Variants in AFF3 observed in about 807,000 individuals in gnomAD.
The protein encoded by AFF3 is ALF transcription elongation factor 3, also known as AF4/FMR2 family member 3.
AFF3 carries 32 observed loss-of-function variants against 129.7 expected under a neutral mutation model. The observed-to-expected ratio is 0.25, with a 90% CI of 0.19 to 0.33. The LOEUF (loss-of-function observed/expected upper bound fraction) is 0.33, where lower values mean the gene tolerates loss of function less well. Ranked by LOEUF, AFF3 falls within the 10% of genes least tolerant of loss-of-function variation. The pLI, the probability that AFF3 is intolerant of heterozygous loss-of-function variation, is 1.00. For missense variants in AFF3, 1,373 were observed against 1,592.0 expected (o/e 0.86, Z 2.34); for synonymous variants, 644 against 635.4 (o/e 1.01, Z -0.20).
At chr2:100,001,906 C>A (rs185813362) in intron 7 of AFF3, among the ~76,000 whole-genome samples, 1 of 152,370 alleles carries the variant, frequency 6.6e-6, no homozygotes, top group Admixed American at 6.5e-5. Context: ...TTCGGGTATA[C>A]GCAGTACAGG....
At chr2:99,996,829 C>T (rs949713235) in intron 7 of AFF3, among the ~76,000 whole-genome samples, 2 of 152,126 alleles carry the variant, frequency 1.3e-5, no homozygotes, top group Admixed American at 1.3e-4. Context: ...CCCAAGTAGA[C>T]GTTGGCCCCA....
intron 11 of AFF3, among the ~76,000 whole-genome samples, chr2:99,675,823 C>T (rs1021370670): frequency 2.6e-5 from 4 of 152,172 alleles, no homozygotes; most frequent in African/African-American, 9.7e-5. Context: ...CAACCCACTC[C>T]CAAACCCTGG....
intron 4 of AFF3, among the ~76,000 whole-genome samples, chr2:100,079,304 T>C (rs552044757): frequency 1.3e-5 from 2 of 152,304 alleles, no homozygotes; most frequent in African/African-American, 4.8e-5. Flanking sequence ...AAACCGCAGA[T>C]ATGGAGGGCC....
chr2:100,032,190 G>A (rs1214328647), intron 4 of AFF3, among the ~76,000 whole-genome samples: 3 of 152,106 alleles, frequency 2.0e-5, no homozygotes, highest in African/African-American at 7.2e-5. Context: ...ACTTTGGGTG[G>A]GACAAGGCAG....
At chr2:99,682,478 T>C (rs897043450) in intron 11 of AFF3, among the ~76,000 whole-genome samples, 49 of 152,186 alleles carry the variant, frequency 3.2e-4, no homozygotes, top group Non-Finnish European at 2.4e-4. Flanking sequence ...AATTCTTCAG[T>C]AGTTGTTTTG....
At chr2:99,742,541 G>A (rs1397479672) in intron 10 of AFF3, among the ~76,000 whole-genome samples, 2 of 152,062 alleles carry the variant, frequency 1.3e-5, no homozygotes, top group Non-Finnish European at 2.9e-5. Flanking sequence ...AAAATATGCC[G>A]GGTGCACACA....
intron 8 of AFF3, among the ~76,000 whole-genome samples, chr2:99,811,578 G>A (rs1203520565): frequency 1.3e-5 from 2 of 152,164 alleles, no homozygotes; most frequent in African/African-American, 4.8e-5. Context: ...CCTATTTCAT[G>A]AAAGGAAAAC....
chr2:100,102,456 T>A (rs1390321365), intron 4 of AFF3, among the ~76,000 whole-genome samples: 1 of 152,200 alleles, frequency 6.6e-6, no homozygotes, highest in Non-Finnish European at 1.5e-5. Context: ...TGCACGTACA[T>A]CAACTTTTTA....
At chr2:99,681,058 G>T (rs1037165174) in intron 11 of AFF3, among the ~76,000 whole-genome samples, 1 of 151,336 alleles carries the variant, frequency 6.6e-6, no homozygotes, top group South Asian at 2.1e-4. Context: ...TGGGCATCAG[G>T]TTTTTTTTTC....
intron 14 of AFF3, among the ~76,000 whole-genome samples, chr2:99,599,005 G>C (rs961820330): frequency 1.4e-4 from 22 of 152,224 alleles, no homozygotes; most frequent in African/African-American, 4.6e-4. Flanking sequence ...CACATCACCT[G>C]CTGCTTCTGC....
intron 8 of AFF3, among the ~76,000 whole-genome samples, chr2:99,825,627 T>C (rs1688021479): frequency 6.6e-6 from 1 of 152,220 alleles, no homozygotes; most frequent in African/African-American, 2.4e-5. Flanking sequence ...CCTGCAAATG[T>C]ATTAGCTTGA....
In AFF3 at chr2:100,024,181, G is replaced by A. The variant is rs1232193823; in HGVS notation, c.54-15249C>T. Among the ~76,000 whole-genome samples the A allele has an allele frequency of 1.2e-3, 153 of 128,246 alleles. 1 individual carries two copies. The highest frequency in any genetic ancestry group is 3.8e-3 in the African/African-American group (122 of 32,342). 84.1% of individuals were successfully genotyped at this position (128,246 alleles called of 152,430 possible). A position where few individuals can be genotyped will look rare whatever the true frequency, so the allele number is the denominator to read the frequency against. ...CGGGAGGCGGAGCTTGCAGTGAGCC[G>A]AGATCGCGCCACTGCACTCCAGCCT... On this transcript the variant is annotated intron_variant, in intron 4 of 24. Coordinates refer to ENST00000672756, the MANE Select transcript of AFF3 (RefSeq NM_001386135.1).
At chr2:99,717,964 T>C (rs1282401303) in intron 11 of AFF3, among the ~76,000 whole-genome samples, 1 of 152,208 alleles carries the variant, frequency 6.6e-6, no homozygotes, top group African/African-American at 2.4e-5. Flanking sequence ...TTGGTGTCTC[T>C]GAGGAAAATC....
chr2:99,601,401 G>C, intron 14 of AFF3, 34 bp downstream of exon 14: 1 of 1,552,014 alleles, frequency 6.4e-7, no homozygotes, highest in Non-Finnish European at 8.7e-7. Context: ...GACAGAAGTG[G>C]GCAGAGGAGA....
rs201227078 is a variant in AFF3 at position 99,601,527 on chromosome 2, C to T, written c.1279G>A (p.Asp427Asn). The T allele has an allele frequency of 2.9e-5, 46 of 1,604,518 alleles. No homozygotes were observed. The highest frequency in any genetic ancestry group is 1.2e-4 in the South Asian group (11 of 89,374). ...SSSGSSSSSS[D>N]SESSSGSDSE... ...TCAGATCCGGAGCTGCTCTCTGAGTCGCTGGAGGAGCTGCTGCTGCCGCTG... is the reference window on the plus strand; with the variant it reads ...TCAGATCCGGAGCTGCTCTCTGAGTTGCTGGAGGAGCTGCTGCTGCCGCTG... Residue 427 changes from aspartate to asparagine, a missense_variant, in exon 14 of 25, where the codon GAC becomes AAC. Physicochemically the swap from Asp to Asn is conservative, Grantham distance 23. Around this residue, in one of 9 missense-constraint regions of AFF3, gnomAD observed 413 missense variants for 424.4 expected, o/e 0.97. Transcript: ENST00000672756.
intron 2 of AFF3, among the ~76,000 whole-genome samples, chr2:100,121,403 G>T (rs1446858674): frequency 6.6e-6 from 1 of 152,332 alleles, no homozygotes; most frequent in East Asian, 1.9e-4. Flanking sequence ...AAAGATGGTG[G>T]CAATGAAGGA....
intron 4 of AFF3, among the ~76,000 whole-genome samples, chr2:100,095,721 A>C (rs1395680977): frequency 6.6e-6 from 1 of 152,236 alleles, no homozygotes; most frequent in African/African-American, 2.4e-5. Context: ...AGAAAGATAA[A>C]GTCAATAAAC....
intron 18 of AFF3, among the ~76,000 whole-genome samples, chr2:99,572,186 A>G (rs1369297811): frequency 1.3e-5 from 2 of 152,072 alleles, no homozygotes; most frequent in Admixed American, 6.5e-5. Context: ...TCTGAAAGCC[A>G]GAGCTTAGCT....
intron 8 of AFF3, among the ~76,000 whole-genome samples, chr2:99,822,846 G>T (rs1341462576): frequency 1.3e-5 from 2 of 152,170 alleles, no homozygotes; most frequent in Non-Finnish European, 2.9e-5. Context: ...TTCGGGGTGG[G>T]GGTGTGCGTG....
Sources: gnomAD v4.1 joint callset for allele counts (sites outside exome capture counted in the v4.1 genomes callset) on GRCh38, gnomAD v4.1.1 for gene constraint, gnomAD v4.1.1 regional missense constraint, MANE v1.5 for transcripts, NCBI Gene and HGNC (gene_info 2026-07-23, HGNC 2026-07-21) for gene names.